TMEM132C: variants seen among roughly 807,000 people sequenced by gnomAD.
The protein encoded by TMEM132C is transmembrane protein 132C.
Under a neutral mutation model 61.4 loss-of-function variants are expected in TMEM132C, and 29 were observed. The ratio of observed to expected loss-of-function variants is 0.47; its 90% CI spans 0.35 to 0.64. TMEM132C has a LOEUF of 0.64. Among genes scored for constraint, TMEM132C ranks in the 30% least tolerant of loss-of-function variants. TMEM132C has a pLI of 0.00. For synonymous variants in TMEM132C, 656 were observed against 633.1 expected, an observed-to-expected ratio of 1.04 and a Z score of -0.54; for missense variants, 1,408 against 1,476.9, an observed-to-expected ratio of 0.95 and a Z score of 0.76.
chr12:128,549,202 G>A (rs938439453), intron 3 of TMEM132C, among the ~76,000 whole-genome samples: 1 of 152,104 alleles, frequency 6.6e-6, no homozygotes, highest in Non-Finnish European at 1.5e-5. Context: ...CAGGCTGAAG[G>A]GGCAGAGTTA....
At chr12:128,594,267 G>A (rs1350902514) in intron 3 of TMEM132C, among the ~76,000 whole-genome samples, 2 of 152,048 alleles carry the variant, frequency 1.3e-5, no homozygotes, top group Non-Finnish European at 2.9e-5. Context: ...GTCCGTGACA[G>A]CTGACATCTC....
chr12:128,312,109 C>T (rs1871989234), intron 1 of TMEM132C, among the ~76,000 whole-genome samples: 1 of 152,198 alleles, frequency 6.6e-6, no homozygotes, highest in Non-Finnish European at 1.5e-5. Context: ...AACCTTCCCT[C>T]CCTCTCTCAG....
rs150831888 is a variant in TMEM132C at position 128,391,525 on chromosome 12, G to A, written c.86-23207G>A. The stretch of plus-strand genomic sequence containing the variant: ...TAGCCCTGGTCTGTGTGCTAGACAC[G>A]GTGAGGGAACCATCCTAGTTAGCAT... On this transcript the variant is annotated intron_variant, in intron 1 of 8. Transcript: ENST00000435159. Among the ~76,000 whole-genome samples, 38 of 152,278 alleles carry A rather than the reference G, an allele frequency of 2.5e-4. 1 individual carries two copies. In the East Asian group the frequency reaches 6.6e-3, roughly 26 times the overall value.
intron 3 of TMEM132C, among the ~76,000 whole-genome samples, chr12:128,571,833 A>G (rs1874895007): frequency 6.6e-6 from 1 of 151,982 alleles, no homozygotes; most frequent in Non-Finnish European, 1.5e-5. Context: ...TTCTGTGCTG[A>G]CTCCACTTAG....
intron 2 of TMEM132C, among the ~76,000 whole-genome samples, chr12:128,453,228 C>T (rs998803052): frequency 7.2e-5 from 11 of 152,314 alleles, no homozygotes; most frequent in East Asian, 1.9e-4. Context: ...GCTGCTTCAC[C>T]GGCTCTTGAT....
At chr12:128,320,394 A>T (rs1258385121) in intron 1 of TMEM132C, among the ~76,000 whole-genome samples, 1 of 152,070 alleles carries the variant, frequency 6.6e-6, no homozygotes, top group African/African-American at 2.4e-5. Context: ...AATATTTAGG[A>T]TTTGTATCCC....
At chr12:128,422,929 T>C (rs1869039139) in intron 2 of TMEM132C, among the ~76,000 whole-genome samples, 1 of 152,140 alleles carries the variant, frequency 6.6e-6, no homozygotes, top group African/African-American at 2.4e-5. Flanking sequence ...AATAGAGATA[T>C]CTGGGTGGTC....
chr12:128,556,947 TG>T (rs1314465506), intron 3 of TMEM132C, among the ~76,000 whole-genome samples: 4 of 152,232 alleles, frequency 2.6e-5, no homozygotes, highest in Admixed American at 6.5e-5. Context: ...TGATTGCTTT[TG>T]TTTTATACCA....
At chr12:128,456,979 T>A (rs1405606156) in intron 2 of TMEM132C, among the ~76,000 whole-genome samples, 1 of 152,192 alleles carries the variant, frequency 6.6e-6, no homozygotes, top group Non-Finnish European at 1.5e-5. Context: ...TTGTTGCATG[T>A]GTGAGTATAT....
intron 5 of TMEM132C, among the ~76,000 whole-genome samples, chr12:128,675,657 TAGAC>T (rs1488379490): frequency 1.3e-5 from 2 of 152,086 alleles, no homozygotes; most frequent in East Asian, 1.9e-4. Context: ...GATAGACAGA[TAGAC>T]AGATAGGCAG....
intron 2 of TMEM132C, among the ~76,000 whole-genome samples, chr12:128,514,409 T>G (rs565992378): frequency 2.0e-5 from 3 of 152,310 alleles, no homozygotes; most frequent in East Asian, 3.9e-4. Context: ...AATTGAATCA[T>G]AGAGAGTGAG....
In TMEM132C at chr12:128,627,519, C is replaced by T. The variant is rs572001749; in HGVS notation, c.1305+11184C>T. Among the ~76,000 whole-genome samples, 11 of 152,320 alleles carry T rather than the reference C, an allele frequency of 7.2e-5. No individual in the cohort carries two copies. In the South Asian group the frequency reaches 1.5e-3, roughly 20 times the overall value. On this transcript the variant is annotated intron_variant, in intron 4 of 8. Coordinates refer to ENST00000435159, the MANE Select transcript of TMEM132C (RefSeq NM_001136103.3). ...CTCATTTTACCCTTGAGTCTCTTGC[C>T]TCCTAGTCTCCCACCAGACACTCCC...
intron 1 of TMEM132C, among the ~76,000 whole-genome samples, chr12:128,294,620 A>G (rs115665360): frequency 0.23 from 34,605 of 151,956 alleles, 4,407 homozygotes; most frequent in East Asian, 0.5. Flanking sequence ...GAGCCCAGAG[A>G]TCCAAGATCA....
At chr12:128,669,689 A>G in intron 5 of TMEM132C, 129 bp downstream of exon 5, 8 of 1,172,780 alleles carry the variant, frequency 6.8e-6, no homozygotes, top group Non-Finnish European at 9.3e-6. Context: ...ACACACTTCC[A>G]GCTGATCCAC....
chr12:128,300,948 G>T (rs1030753032), intron 1 of TMEM132C, among the ~76,000 whole-genome samples: 2 of 152,178 alleles, frequency 1.3e-5, no homozygotes, highest in Non-Finnish European at 2.9e-5. Flanking sequence ...GGCTGAGGTG[G>T]GAGGATATCT....
At chr12:128,507,644 C>T (rs998444757) in intron 2 of TMEM132C, among the ~76,000 whole-genome samples, 1 of 152,032 alleles carries the variant, frequency 6.6e-6, no homozygotes, top group Non-Finnish European at 1.5e-5. Context: ...GCCAACTCAG[C>T]CAGCAATCCT....
intron 1 of TMEM132C, among the ~76,000 whole-genome samples, chr12:128,364,432 G>A (rs999647465): frequency 2.0e-5 from 3 of 151,928 alleles, no homozygotes; most frequent in East Asian, 1.9e-4. Context: ...GGGACCCGTC[G>A]CTCACACAGG....
At chr12:128,567,276 A>C (rs921401455) in intron 3 of TMEM132C, among the ~76,000 whole-genome samples, 1 of 152,224 alleles carries the variant, frequency 6.6e-6, no homozygotes, top group African/African-American at 2.4e-5. Flanking sequence ...AACTCAATTG[A>C]AAAAAAGAAC....
intron 5 of TMEM132C, among the ~76,000 whole-genome samples, chr12:128,673,419 G>A (rs61940601): frequency 0.045 from 6,928 of 152,276 alleles, 186 homozygotes; most frequent in Middle Eastern, 0.088. Context: ...ATAAATGTGT[G>A]TGTGTTGTTT....
Sources: gnomAD v4.1 joint callset for allele counts (sites outside exome capture counted in the v4.1 genomes callset) on GRCh38, gnomAD v4.1.1 for gene constraint, MANE v1.5 for transcripts, NCBI Gene and HGNC (gene_info 2026-07-23, HGNC 2026-07-21) for gene names.